The following SAMD14 variants were observed in gnomAD, a reference collection of about 807,000 sequenced individuals.
SAMD14 encodes the protein sterile alpha motif domain containing 14, also known as sterile alpha motif domain-containing protein 14.
In SAMD14, 27 loss-of-function variants were observed where a neutral mutation model predicts 46.2. That is an observed-to-expected ratio of 0.58 (90% CI 0.43 to 0.81). SAMD14 has a LOEUF of 0.81. SAMD14 is among the 30% of genes least tolerant of loss of function. The probability of loss-of-function intolerance (pLI) is 0.00; values close to 1 mark genes in which losing one functional copy is unlikely to be tolerated. For synonymous variants in SAMD14, 241 were observed against 254.3 expected (o/e 0.95, Z 0.50); for missense variants, 559 against 582.2 (o/e 0.96, Z 0.41).
At chr17:50,123,941 T>C (rs187408482) in intron 2 of SAMD14, 199 of 385,858 alleles carry the variant, frequency 5.2e-4, no homozygotes, top group African/African-American at 3.9e-3. Flanking sequence ...CTGAGGCAGT[T>C]CAAGGCTAGG....
intron 7 of SAMD14, 190 bp from the exon 8 acceptor site, chr17:50,114,496 G>A: frequency 2.6e-6 from 4 of 1,538,684 alleles, no homozygotes; most frequent in Non-Finnish European, 3.5e-6. Flanking sequence ...GCCTTTGGGA[G>A]AGCAGGCAGC....
At chr17:50,120,945 TG>T (rs1306983261) in intron 2 of SAMD14, among the ~76,000 whole-genome samples, 1 of 152,256 alleles carries the variant, frequency 6.6e-6, no homozygotes, top group Non-Finnish European at 1.5e-5. Flanking sequence ...CTATATATTT[TG>T]CTTATATCAT....
Position 50,115,750 on chromosome 17 carries a change from G to A in SAMD14, c.663-27C>T. The A allele has an allele frequency of 1.2e-6, 2 of 1,612,612 alleles. No individual in the cohort carries two copies. The highest frequency in any genetic ancestry group is 1.7e-6 in the Non-Finnish European group (2 of 1,179,084). ...TGCAGAGAGAGTGTCCAGCATGGGTGTGGGTACAGAGGGGAGGACCAGAGC... is the reference window on the plus strand; with the variant it reads ...TGCAGAGAGAGTGTCCAGCATGGGTATGGGTACAGAGGGGAGGACCAGAGC... On this transcript the variant is annotated intron_variant, in intron 6 of 9. Transcript: ENST00000330175. The surrounding 1 kb of genome is among the most constrained non-coding windows in gnomAD (Gnocchi z 5.3).
At chr17:50,117,174 C>T (rs1911249136) in intron 4 of SAMD14, among the ~76,000 whole-genome samples, 1 of 152,218 alleles carries the variant, frequency 6.6e-6, no homozygotes, top group African/African-American at 2.4e-5. Flanking sequence ...TCCACTAAAC[C>T]ACTATGATGA....
At chr17:50,122,822 G>T (rs188867284) in intron 2 of SAMD14, among the ~76,000 whole-genome samples, 55 of 152,228 alleles carry the variant, frequency 3.6e-4, no homozygotes, top group African/African-American at 1.2e-3. Context: ...GGAGCATCTG[G>T]GGAGCAGCGA....
At chr17:50,122,779 T>G (rs1267525805) in intron 2 of SAMD14, among the ~76,000 whole-genome samples, 1 of 151,638 alleles carries the variant, frequency 6.6e-6, no homozygotes, top group Non-Finnish European at 1.5e-5. Flanking sequence ...AAAAGAGCAT[T>G]CTAAGGAGAG....
At position 50,110,125 on chromosome 17, in the gene SAMD14, G is replaced by T; in HGVS notation, c.*2768C>A. 1 of 1,563,662 alleles carries T rather than the reference G, an allele frequency of 6.4e-7. No homozygotes were observed. Among genetic ancestry groups the T allele is most frequent in the Non-Finnish European group, 8.7e-7 (1 of 1,149,468 alleles). ...GCCGCCGTGCATCTGCACCTGAGAG[G>T]ACGGACTGCCGCCTCTGGGTCCCCC... On this transcript the variant is annotated 3_prime_UTR_variant, in exon 10 of 10. Transcript: ENST00000330175.
chr17:50,127,359 T>G (rs940588660), intron 1 of SAMD14, among the ~76,000 whole-genome samples: 1 of 151,834 alleles, frequency 6.6e-6, no homozygotes, highest in Non-Finnish European at 1.5e-5. Context: ...TCCCAGCACT[T>G]TGGGAGGCCG....
At chr17:50,114,716 G>T (rs1042893439) in intron 7 of SAMD14, 15 of 325,856 alleles carry the variant, frequency 4.6e-5, no homozygotes, top group African/African-American at 3.0e-4. Context: ...AGCTCTAGGA[G>T]GGCCTGGGTT....
intron 2 of SAMD14, among the ~76,000 whole-genome samples, chr17:50,119,428 C>G (rs1181039169): frequency 1.3e-5 from 2 of 152,118 alleles, no homozygotes; most frequent in African/African-American, 4.8e-5. Context: ...CCTATTCTGT[C>G]ACTCATGCCC....
chr17:50,126,519 A>T (rs1015688661), intron 1 of SAMD14, among the ~76,000 whole-genome samples: 5 of 151,906 alleles, frequency 3.3e-5, no homozygotes, highest in African/African-American at 9.7e-5. Flanking sequence ...GTTAGCCAGG[A>T]TGGTCTTGAT....
chr17:50,117,267 T>C (rs1341032872), intron 4 of SAMD14, 140 bp downstream of exon 4: 3 of 807,476 alleles, frequency 3.7e-6, no homozygotes, highest in Admixed American at 8.7e-5. Flanking sequence ...AAAGAATGAG[T>C]GAGCGGCGGC....
chr17:50,128,637 A>C (rs1388385292), intron 1 of SAMD14, among the ~76,000 whole-genome samples: 1 of 152,180 alleles, frequency 6.6e-6, no homozygotes, highest in East Asian at 1.9e-4. Context: ...TCTGGGAGAA[A>C]GGGAGGCAGG....
chr17:50,124,287 C>T (rs1275990516), intron 2 of SAMD14: 3 of 416,104 alleles, frequency 7.2e-6, no homozygotes, highest in African/African-American at 6.1e-5. Context: ...CCAGTGTGTA[C>T]TGAGGACGTG....
chr17:50,113,871 G>A lies in SAMD14; in HGVS notation c.1098+53C>T. 10 of 1,605,194 alleles carry A rather than the reference G, an allele frequency of 6.2e-6. No individual in the cohort carries two copies. The South Asian group carries it at 1.1e-4, about 18-fold the overall frequency. On this transcript the variant is annotated intron_variant, in intron 9 of 9. Coordinates refer to ENST00000330175, the MANE Select transcript of SAMD14 (RefSeq NM_001257359.2). Reference sequence around the variant, plus strand: ...TCAGGATGAGGGACTTCAAATCCTTGAAAGTCACCTCAAGTAACTGGGCTG... The same window carrying A: ...TCAGGATGAGGGACTTCAAATCCTTAAAAGTCACCTCAAGTAACTGGGCTG...
chr17:50,122,025 G>A (rs1461703816), intron 2 of SAMD14, among the ~76,000 whole-genome samples: 1 of 152,234 alleles, frequency 6.6e-6, no homozygotes, highest in Non-Finnish European at 1.5e-5. Context: ...GGCGCTCGCT[G>A]GTGATGGCGT....
intron 2 of SAMD14, among the ~76,000 whole-genome samples, chr17:50,119,925 C>A (rs1233459525): frequency 6.6e-6 from 1 of 152,128 alleles, no homozygotes; most frequent in African/African-American, 2.4e-5. Context: ...AGTTGCTCAG[C>A]TGAACCCCTG....
In SAMD14 at chr17:50,110,685, C is replaced by CT. The variant is rs112010659; in HGVS notation, c.*2207dup. 1.1e-4 allele frequency: 16 copies of CT among 152,354 alleles called. 1 individual carries two copies. Among genetic ancestry groups the CT allele is most frequent in the African/African-American group, 3.4e-4 (14 of 41,568 alleles). 9.4% of individuals were successfully genotyped at this position (152,354 alleles called of 1,614,324 possible). ...GGGGTGGCTCTCACAGGGCCCAACTCTAAAGTGGAAGAACCTTGTTAGACC... is the reference window on the plus strand; with the variant it reads ...GGGGTGGCTCTCACAGGGCCCAACTCTTAAAGTGGAAGAACCTTGTTAGACC... On this transcript the variant is annotated 3_prime_UTR_variant, in exon 10 of 10. Transcript: ENST00000330175.
intron 9 of SAMD14, chr17:50,113,428 T>C: frequency 3.9e-6 from 1 of 254,024 alleles, no homozygotes; most frequent in Non-Finnish European, 7.6e-6. Context: ...TCCTGGGGGC[T>C]CTTTTCACCA....
Sources: gnomAD v4.1 joint callset for allele counts (sites outside exome capture counted in the v4.1 genomes callset) on GRCh38, gnomAD v4.1.1 for gene constraint, Gnocchi (gnomAD v3.1) non-coding constraint, MANE v1.5 for transcripts, NCBI Gene and HGNC (gene_info 2026-07-23, HGNC 2026-07-21) for gene names.